The following PTPRD variants were observed in gnomAD, a reference collection of about 807,000 sequenced individuals.
PTPRD encodes the protein receptor-type tyrosine-protein phosphatase delta.
In PTPRD, 34 loss-of-function variants were observed where a neutral mutation model predicts 214.5. The observed-to-expected ratio is 0.16, with a 90% CI of 0.12 to 0.21. The LOEUF (loss-of-function observed/expected upper bound fraction) is 0.21, where lower values mean the gene tolerates loss of function less well. PTPRD is among the 10% of genes least tolerant of loss of function. The pLI is 1.00. For synonymous variants in PTPRD, 1,128 were observed against 845.7 expected (o/e 1.33, Z -5.79); for missense variants, 2,545 against 2,398.7 (o/e 1.06, Z -1.27).
chr9:8,350,775 C>A (rs572785064), intron 39 of PTPRD, among the ~76,000 whole-genome samples: 29 of 152,096 alleles, frequency 1.9e-4, no homozygotes, highest in African/African-American at 6.5e-4. Flanking sequence ...TTATATATTA[C>A]AAAATTAAAA....
At chr9:10,127,477 G>C (rs971552127) in intron 3 of PTPRD, among the ~76,000 whole-genome samples, 4 of 152,134 alleles carry the variant, frequency 2.6e-5, no homozygotes, top group Admixed American at 2.0e-4. Context: ...ATAAAGAAGA[G>C]AGGTTTTGAA....
intron 8 of PTPRD, among the ~76,000 whole-genome samples, chr9:9,563,947 G>C (rs1432500104): frequency 6.6e-6 from 1 of 152,018 alleles, no homozygotes; most frequent in Non-Finnish European, 1.5e-5. Flanking sequence ...AACCAAATGG[G>C]CATATGAGTC....
rs114602601 is a variant in PTPRD, at chr9:9,142,415, C to A, written c.-143+40889G>T. Among the ~76,000 whole-genome samples, 301 of 152,298 alleles carry A rather than the reference C, an allele frequency of 2.0e-3. 2 individuals are homozygous for A. The highest frequency in any genetic ancestry group is 6.9e-3 in the African/African-American group (286 of 41,566). Reference sequence around the variant, plus strand: ...TTACAAATATATTTTCTTCATCACTCTTTGAACTTAGTCCTAATGCAATGA... The same window carrying A: ...TTACAAATATATTTTCTTCATCACTATTTGAACTTAGTCCTAATGCAATGA... On this transcript the variant is annotated intron_variant, in intron 10 of 45. Coordinates refer to ENST00000381196, the MANE Select transcript of PTPRD (RefSeq NM_002839.4).
chr9:10,518,235 A>G (rs1339479861), intron 2 of PTPRD, among the ~76,000 whole-genome samples: 1 of 152,206 alleles, frequency 6.6e-6, no homozygotes, highest in African/African-American at 2.4e-5. Flanking sequence ...AAATGGTTCA[A>G]TATCTTTCAA....
intron 11 of PTPRD, among the ~76,000 whole-genome samples, chr9:8,933,349 T>TTTTTG (rs1317424714): frequency 6.8e-6 from 1 of 146,136 alleles, no homozygotes; most frequent in Non-Finnish European, 1.5e-5. Context: ...GGTTTTTTTT[T>TTTTTG]TTTTTTTTTT....
chr9:9,190,142 G>C (rs566477428), intron 9 of PTPRD, among the ~76,000 whole-genome samples: 1 of 152,042 alleles, frequency 6.6e-6, no homozygotes, highest in South Asian at 2.1e-4. Flanking sequence ...AGACCTTTAA[G>C]AGGTGATTAG....
chr9:9,444,466 A>C (rs906300300), intron 8 of PTPRD, among the ~76,000 whole-genome samples: 1 of 152,186 alleles, frequency 6.6e-6, no homozygotes, highest in Non-Finnish European at 1.5e-5. Context: ...TGTGCCTAGC[A>C]TGGCATTTTA....
intron 7 of PTPRD, among the ~76,000 whole-genome samples, chr9:9,646,437 C>A (rs2096179317): frequency 6.6e-6 from 1 of 151,578 alleles, no homozygotes; most frequent in South Asian, 2.1e-4. Context: ...AGAGTAAGTA[C>A]CAGTCCTTTG....
At chr9:8,967,136 A>G (rs2099201511) in intron 11 of PTPRD, among the ~76,000 whole-genome samples, 1 of 152,036 alleles carries the variant, frequency 6.6e-6, no homozygotes, top group African/African-American at 2.4e-5. Context: ...TTAAAGTAAA[A>G]AAAAAAAACA....
At chr9:10,241,509 C>A (rs1156307699) in intron 3 of PTPRD, among the ~76,000 whole-genome samples, 3 of 151,914 alleles carry the variant, frequency 2.0e-5, no homozygotes, top group Non-Finnish European at 4.4e-5. Context: ...TGAACTACTA[C>A]TTCACAACAA....
At chr9:9,646,384 T>A (rs2096177461) in intron 7 of PTPRD, among the ~76,000 whole-genome samples, 2 of 151,542 alleles carry the variant, frequency 1.3e-5, no homozygotes, top group South Asian at 2.1e-4. Flanking sequence ...ACAGGTATGT[T>A]ATTCTGCTGT....
intron 3 of PTPRD, among the ~76,000 whole-genome samples, chr9:10,100,490 A>T (rs2098541249): frequency 6.6e-6 from 1 of 151,666 alleles, no homozygotes; most frequent in Admixed American, 6.6e-5. Context: ...AGACACTCGG[A>T]AATACATTTA....
chr9:8,732,733 T>C (rs549564616), intron 12 of PTPRD, among the ~76,000 whole-genome samples: 2 of 152,264 alleles, frequency 1.3e-5, no homozygotes, highest in South Asian at 2.1e-4. Context: ...CTTTAGAAAA[T>C]AGAGCTCCTA....
intron 23 of PTPRD, 118 bp from the exon 24 acceptor site, chr9:8,501,177 GA>G: frequency 1.3e-6 from 1 of 748,874 alleles, no homozygotes; most frequent in South Asian, 2.0e-5. Context: ...AGGACAAAAT[GA>G]AAATAAGGCT....
At chr9:9,634,161 G>A (rs2095680671) in intron 7 of PTPRD, among the ~76,000 whole-genome samples, 1 of 152,084 alleles carries the variant, frequency 6.6e-6, no homozygotes, top group Non-Finnish European at 1.5e-5. Context: ...AAGGGATGAT[G>A]CTCCTTACCA....
At chr9:8,396,449 G>A (rs1046323674) in intron 36 of PTPRD, among the ~76,000 whole-genome samples, 4 of 151,914 alleles carry the variant, frequency 2.6e-5, no homozygotes, top group African/African-American at 9.7e-5. Context: ...GATGATGTAG[G>A]TTTATCTACG....
chr9:10,007,223 G>A (rs2096497307), intron 4 of PTPRD, among the ~76,000 whole-genome samples: 1 of 151,870 alleles, frequency 6.6e-6, no homozygotes, highest in Non-Finnish European at 1.5e-5. Context: ...GCACTGTCAA[G>A]CACATCATTT....
intron 12 of PTPRD, among the ~76,000 whole-genome samples, chr9:8,709,699 G>A (rs113458716): frequency 0.032 from 4,834 of 151,918 alleles, 122 homozygotes; most frequent in Middle Eastern, 0.09. Context: ...ATATAATGTT[G>A]TCTGTCAATA....
intron 8 of PTPRD, among the ~76,000 whole-genome samples, chr9:9,407,709 T>G (rs2073996033): frequency 6.6e-6 from 1 of 151,832 alleles, no homozygotes; most frequent in African/African-American, 2.4e-5. Context: ...TCTGTAAAAT[T>G]TGGAATCAGA....
Sources: gnomAD v4.1 joint callset for allele counts (sites outside exome capture counted in the v4.1 genomes callset) on GRCh38, gnomAD v4.1.1 for gene constraint, MANE v1.5 for transcripts, NCBI Gene and HGNC (gene_info 2026-07-23, HGNC 2026-07-21) for gene names.